Variants in MSI2 observed in about 807,000 individuals in gnomAD.
MSI2 encodes the protein RNA-binding protein Musashi homolog 2.
A neutral mutation model predicts 45.6 loss-of-function variants in MSI2; 17 were observed. The observed-to-expected ratio is 0.37, with a 90% CI of 0.26 to 0.56. The LOEUF (loss-of-function observed/expected upper bound fraction) is 0.56, where lower values mean the gene tolerates loss of function less well. Among genes scored for constraint, MSI2 ranks in the 20% least tolerant of loss-of-function variants. The pLI, the probability that MSI2 is intolerant of heterozygous loss-of-function variation, is 0.77. For synonymous variants in MSI2, 156 were observed against 158.2 expected (o/e 0.99, Z 0.11); for missense variants, 293 against 444.2 (o/e 0.66, Z 3.06).
intron 5 of MSI2, 181 bp downstream of exon 5, chr17:57,262,373 C>T: frequency 1.8e-6 from 1 of 545,944 alleles, no homozygotes; most frequent in East Asian, 3.1e-5. Flanking sequence ...TTAGCCATCC[C>T]AAGGTGGCTT....
intron 9 of MSI2, among the ~76,000 whole-genome samples, chr17:57,624,719 A>G (rs1415617827): frequency 6.6e-6 from 1 of 152,164 alleles, no homozygotes; most frequent in Non-Finnish European, 1.5e-5. Context: ...GTGAGCTGTG[A>G]CTGCAAATTT....
intron 6 of MSI2, among the ~76,000 whole-genome samples, chr17:57,520,278 A>T (rs893388152): frequency 6.6e-6 from 1 of 152,232 alleles, no homozygotes; most frequent in African/African-American, 2.4e-5. Flanking sequence ...TGCCTTAGGT[A>T]GATAAAATGT....
intron 6 of MSI2, among the ~76,000 whole-genome samples, chr17:57,438,228 C>G (rs2084727333): frequency 6.6e-6 from 1 of 152,088 alleles, no homozygotes; most frequent in African/African-American, 2.4e-5. Flanking sequence ...AGGATGGGGT[C>G]CCCACAGCAA....
chr17:57,399,529 C>T (rs2083950383), intron 5 of MSI2, among the ~76,000 whole-genome samples: 1 of 151,110 alleles, frequency 6.6e-6, no homozygotes, highest in Non-Finnish European at 1.5e-5. Context: ...TGGGGTCAAC[C>T]AGCAGGCTAT....
intron 6 of MSI2, among the ~76,000 whole-genome samples, chr17:57,437,229 C>T (rs1378696337): frequency 6.6e-6 from 1 of 152,122 alleles, no homozygotes; most frequent in African/African-American, 2.4e-5. Flanking sequence ...CTCATTTCTT[C>T]GTCTATTTTT....
intron 11 of MSI2, among the ~76,000 whole-genome samples, chr17:57,669,806 C>T (rs3744091): frequency 0.16 from 23,890 of 152,128 alleles, 2,189 homozygotes; most frequent in East Asian, 0.37. Flanking sequence ...CAAAGGTGGG[C>T]CCTCCATTGC....
At chr17:57,632,077 C>T in intron 10 of MSI2, 1 of 1,295,726 alleles carries the variant, frequency 7.7e-7, no homozygotes, top group African/African-American at 1.5e-5. Context: ...TTGTGACCGA[C>T]CCCACTTCCT....
At chr17:57,451,718 T>C (rs1188543276) in intron 6 of MSI2, among the ~76,000 whole-genome samples, 1 of 152,190 alleles carries the variant, frequency 6.6e-6, no homozygotes, top group African/African-American at 2.4e-5. Context: ...AGCTGCAGAT[T>C]TTGAGAAAGC....
intron 6 of MSI2, among the ~76,000 whole-genome samples, chr17:57,485,759 A>C (rs2085741034): frequency 6.6e-6 from 1 of 152,174 alleles, no homozygotes; most frequent in South Asian, 2.1e-4. Context: ...CTTTGAGAAA[A>C]GTTGCCATAA....
intron 9 of MSI2, among the ~76,000 whole-genome samples, chr17:57,625,365 G>A (rs969938773): frequency 7.9e-5 from 12 of 152,214 alleles, no homozygotes; most frequent in South Asian, 2.1e-4. Flanking sequence ...AGTGAGGGAC[G>A]GTGGAGCCCA....
At chr17:57,505,161 C>T (rs142980908) in intron 6 of MSI2, among the ~76,000 whole-genome samples, 3 of 152,138 alleles carry the variant, frequency 2.0e-5, no homozygotes, top group Admixed American at 6.5e-5. Flanking sequence ...ATCCATGTCA[C>T]GGGAAACCAA....
intron 6 of MSI2, among the ~76,000 whole-genome samples, chr17:57,504,970 A>G (rs2086196459): frequency 6.6e-6 from 1 of 151,708 alleles, no homozygotes; most frequent in African/African-American, 2.4e-5. Context: ...GAAAGGGGAG[A>G]ATGGGGGGTC....
At chr17:57,650,344 A>G (rs536674833) in intron 10 of MSI2, among the ~76,000 whole-genome samples, 14 of 152,228 alleles carry the variant, frequency 9.2e-5, no homozygotes, top group Non-Finnish European at 1.6e-4. Context: ...TGCTCTTAAC[A>G]GCAGCAGAAG....
chr17:57,642,581 C>T (rs766022619), intron 10 of MSI2, among the ~76,000 whole-genome samples: 1 of 152,166 alleles, frequency 6.6e-6, no homozygotes, highest in African/African-American at 2.4e-5. Flanking sequence ...AGTTGTCTCT[C>T]CTTGGGCAGT....
At chr17:57,664,388 T>A (rs1912220524) in intron 11 of MSI2, among the ~76,000 whole-genome samples, 1 of 152,078 alleles carries the variant, frequency 6.6e-6, no homozygotes, top group African/African-American at 2.4e-5. Context: ...TGTGGCGGTG[T>A]GTGCCTGTAG....
chr17:57,346,119 T>C (rs572614225), intron 5 of MSI2, among the ~76,000 whole-genome samples: 2 of 152,350 alleles, frequency 1.3e-5, no homozygotes, highest in East Asian at 3.9e-4. Context: ...GCTACATGTA[T>C]TATTATTTAC....
At chr17:57,376,798 G>A (rs975858054) in intron 5 of MSI2, among the ~76,000 whole-genome samples, 2 of 152,120 alleles carry the variant, frequency 1.3e-5, no homozygotes, top group African/African-American at 4.8e-5. Flanking sequence ...TTGCCTTTGG[G>A]CAACATTTGC....
chr17:57,590,215 A>G (rs994125020), intron 7 of MSI2, among the ~76,000 whole-genome samples: 1 of 152,128 alleles, frequency 6.6e-6, no homozygotes, highest in Non-Finnish European at 1.5e-5. Context: ...TAGATACTAC[A>G]TGATTGCCCA....
At chr17:57,581,002 A>ATTTT (rs1567914151) in intron 7 of MSI2, among the ~76,000 whole-genome samples, 2 of 58,246 alleles carry the variant, frequency 3.4e-5, no homozygotes, top group Non-Finnish European at 7.1e-5. Flanking sequence ...TGAGGTCAGC[A>ATTTT]TCTTTTTTTT....
Sources: gnomAD v4.1 joint callset for allele counts (sites outside exome capture counted in the v4.1 genomes callset) on GRCh38, gnomAD v4.1.1 for gene constraint, MANE v1.5 for transcripts, NCBI Gene and HGNC (gene_info 2026-07-23, HGNC 2026-07-21) for gene names.